The following GALNT17 variants were observed in gnomAD, a reference collection of about 807,000 sequenced individuals.
The protein encoded by GALNT17 is polypeptide N-acetylgalactosaminyltransferase 17, also known as UDP-GalNAc:polypeptide N-acetylgalactosaminyltransferase-like 3.
In GALNT17, 29 loss-of-function variants were observed where a neutral mutation model predicts 63.7. The observed-to-expected ratio is 0.46, with a 90% CI of 0.34 to 0.62. GALNT17 has a LOEUF of 0.62. Ranked by LOEUF, GALNT17 falls within the 20% of genes least tolerant of loss-of-function variation. The pLI is 0.01. For missense variants in GALNT17, 603 were observed against 799.6 expected (o/e 0.75, Z 2.97); for synonymous variants, 305 against 318.3 (o/e 0.96, Z 0.45).
At chr7:71,574,338 C>A (rs1211079981) in intron 6 of GALNT17, among the ~76,000 whole-genome samples, 2 of 152,294 alleles carry the variant, frequency 1.3e-5, no homozygotes, top group Non-Finnish European at 2.9e-5. Context: ...GGCTTTGTCT[C>A]CATGACAATT....
intron 3 of GALNT17, among the ~76,000 whole-genome samples, chr7:71,392,438 T>C (rs1243565135): frequency 1.3e-5 from 2 of 152,142 alleles, no homozygotes; most frequent in East Asian, 3.9e-4. Flanking sequence ...AATGTTTTAG[T>C]GTAAGAACCC....
At chr7:71,271,037 T>C (rs1470523272) in intron 1 of GALNT17, among the ~76,000 whole-genome samples, 3 of 152,168 alleles carry the variant, frequency 2.0e-5, no homozygotes, top group Non-Finnish European at 4.4e-5. Flanking sequence ...CATTTACACT[T>C]ATATAATTGT....
chr7:71,227,128 A>C (rs1026395941), intron 1 of GALNT17, among the ~76,000 whole-genome samples: 1 of 133,314 alleles, frequency 7.5e-6, no homozygotes, highest in Non-Finnish European at 1.6e-5. Context: ...GCTTGAACCC[A>C]GGAGTTCAAG....
At chr7:71,585,098 C>A (rs1380836459) in intron 6 of GALNT17, among the ~76,000 whole-genome samples, 1 of 152,172 alleles carries the variant, frequency 6.6e-6, no homozygotes, top group African/African-American at 2.4e-5. Context: ...TTTTTCTAAG[C>A]TGTAATTAGA....
chr7:71,418,968 C>G (rs1786606906), intron 4 of GALNT17, among the ~76,000 whole-genome samples: 1 of 152,150 alleles, frequency 6.6e-6, no homozygotes, highest in Admixed American at 6.6e-5. Flanking sequence ...GTAATCCCAG[C>G]TACTCAGGAG....
rs376886424 is a variant in GALNT17, at chr7:71,248,004, G to T, written c.239-87546G>T. On this transcript the variant is annotated intron_variant, in intron 1 of 10. Transcript: ENST00000333538. ...TAGGCTGAGGAGGAGAAAGAAGAGA[G>T]GTTGGTGTATTAGTCTGTTCTCACA... Among the ~76,000 whole-genome samples, 157 of 152,286 alleles carry T rather than the reference G, an allele frequency of 1.0e-3. 4 individuals carry two copies. The South Asian group carries it at 0.031, about 30-fold the overall frequency.
chr7:71,392,181 A>C (rs1257786103), intron 3 of GALNT17, among the ~76,000 whole-genome samples: 1 of 152,170 alleles, frequency 6.6e-6, no homozygotes, highest in African/African-American at 2.4e-5. Context: ...CCTGAAATAA[A>C]CATCTTCAAG....
rs36056838 is a variant in GALNT17, at chr7:71,498,540, G to A, written c.963-72745G>A. ...AAGAAACAGGAGGTGAATGTTTAGC[G>A]TCATAGTTGGAGTCAGTGAATGGAA... On this transcript the variant is annotated intron_variant, in intron 5 of 10. Coordinates refer to ENST00000333538, the MANE Select transcript of GALNT17 (RefSeq NM_022479.3). 9.9e-5 allele frequency among the ~76,000 whole-genome samples: 15 copies of A among 152,244 alleles called. No homozygotes were observed. In the South Asian group the frequency reaches 1.2e-3, roughly 13 times the overall value.
At chr7:71,219,844 G>A (rs958352264) in intron 1 of GALNT17, among the ~76,000 whole-genome samples, 5 of 152,212 alleles carry the variant, frequency 3.3e-5, no homozygotes, top group African/African-American at 4.8e-5. Context: ...GCACTAATAT[G>A]TTTGGTAGCT....
At chr7:71,657,849 TATGG>T (rs56699781) in intron 6 of GALNT17, among the ~76,000 whole-genome samples, 11,758 of 124,922 alleles carry the variant, frequency 0.094, 515 homozygotes, top group African/African-American at 0.1. Context: ...TATTTCATTT[TATGG>T]ATGGATGGAT....
chr7:71,323,956 C>G (rs544942384), intron 1 of GALNT17, among the ~76,000 whole-genome samples: 60 of 152,302 alleles, frequency 3.9e-4, no homozygotes, highest in African/African-American at 1.4e-3. Context: ...CAGCCTCTGA[C>G]TTTCTGGGTT....
At chr7:71,670,667 A>C (rs545050627) in intron 8 of GALNT17, among the ~76,000 whole-genome samples, 29 of 152,210 alleles carry the variant, frequency 1.9e-4, no homozygotes, top group Non-Finnish European at 3.7e-4. Flanking sequence ...AGTACTGGGC[A>C]CTATTCTAAG....
chr7:71,413,003 A>T (rs1238722692), intron 3 of GALNT17, among the ~76,000 whole-genome samples: 2 of 152,220 alleles, frequency 1.3e-5, no homozygotes, highest in African/African-American at 2.4e-5. Flanking sequence ...AGGTCACGCC[A>T]CTGTACTCCA....
intron 1 of GALNT17, among the ~76,000 whole-genome samples, chr7:71,259,638 G>GTTTTTTTTTTTTTTTTTTTTTTTTTTTTT (rs1219751607): frequency 7.2e-6 from 1 of 137,970 alleles, no homozygotes. Flanking sequence ...TTTGTTTTTT[G>GTTTTTTTTTTTTTTTTTTTTTTTTTTTTT]TTTTTTTGTT....
chr7:71,320,641 A>G (rs1022757278), intron 1 of GALNT17, among the ~76,000 whole-genome samples: 1 of 152,180 alleles, frequency 6.6e-6, no homozygotes, highest in African/African-American at 2.4e-5. Flanking sequence ...TGTGTATTTA[A>G]AATTGATAGT....
At chr7:71,364,187 C>T (rs1233769706) in intron 2 of GALNT17, among the ~76,000 whole-genome samples, 7 of 152,128 alleles carry the variant, frequency 4.6e-5, no homozygotes, top group Non-Finnish European at 8.8e-5. Flanking sequence ...TCCCCAAAGT[C>T]CATTGTATCA....
intron 5 of GALNT17, among the ~76,000 whole-genome samples, chr7:71,447,975 G>A (rs563027628): frequency 2.6e-5 from 4 of 152,146 alleles, no homozygotes; most frequent in South Asian, 4.2e-4. Flanking sequence ...TCTGTGTCCC[G>A]GATCTCATGC....
intron 6 of GALNT17, among the ~76,000 whole-genome samples, chr7:71,638,059 C>G (rs1790552828): frequency 6.6e-6 from 1 of 152,204 alleles, no homozygotes; most frequent in East Asian, 1.9e-4. Context: ...GGGCAATGCC[C>G]AGAACCGAGG....
Position 71,377,114 on chromosome 7 carries a change from A to AAAAAAAATATAT in GALNT17, c.423-11120_423-11119insAAAAAATATATA. ...AAAAAAAAAAAATAAAAATAAAAAA[A>AAAAAAAATATAT]ATATATATATATATATATATATATA... On this transcript the variant is annotated intron_variant, in intron 2 of 10. Coordinates refer to ENST00000333538, the MANE Select transcript of GALNT17 (RefSeq NM_022479.3). Among the ~76,000 whole-genome samples the AAAAAAAATATAT allele has an allele frequency of 3.3e-4, 19 of 57,468 alleles. 1 individual carries two copies. The highest frequency in any genetic ancestry group is 6.6e-4 in the African/African-American group (7 of 10,674). The allele number at this position is 57,468 out of a possible 152,430, so 37.7% of individuals were successfully genotyped here.
Sources: allele counts gnomAD v4.1 joint callset (sites outside exome capture counted in the v4.1 genomes callset), GRCh38; gene constraint gnomAD v4.1.1; transcripts MANE v1.5; gene names NCBI Gene and HGNC (gene_info 2026-07-23, HGNC 2026-07-21).